The following TBC1D12 variants were observed in gnomAD, a reference collection of about 807,000 sequenced individuals.
The protein encoded by TBC1D12 is TBC1 domain family member 12, also known as TBC1 domain family, member 12.
In TBC1D12, 56 loss-of-function variants were observed where a neutral mutation model predicts 86.7. The observed-to-expected ratio is 0.65, with a 90% CI of 0.52 to 0.81. The LOEUF is 0.81. TBC1D12 is among the 30% of genes least tolerant of loss of function. The pLI is 0.00. For missense variants in TBC1D12, 1,023 were observed against 1,038.8 expected, an observed-to-expected ratio of 0.98 and a Z score of 0.21; for synonymous variants, 421 against 411.7, an observed-to-expected ratio of 1.02 and a Z score of -0.27.
intron 1 of TBC1D12, among the ~76,000 whole-genome samples, chr10:94,414,322 A>G (rs1009870504): frequency 6.6e-6 from 1 of 152,224 alleles, no homozygotes; most frequent in Non-Finnish European, 1.5e-5. Flanking sequence ...ACGAGAAACT[A>G]TTAGAGAATG....
chr10:94,497,000 A>C, intron 4 of TBC1D12, 55 bp from the exon 5 acceptor site: 1 of 1,059,524 alleles, frequency 9.4e-7, no homozygotes, highest in Non-Finnish European at 1.3e-6. Flanking sequence ...AAATGGAGAA[A>C]AGGATTTTGA....
chr10:94,521,355 C>T (rs1842150236), intron 9 of TBC1D12, among the ~76,000 whole-genome samples: 2 of 152,088 alleles, frequency 1.3e-5, no homozygotes, highest in South Asian at 4.1e-4. Flanking sequence ...ACACATCCTA[C>T]CTTCTCTAAA....
intron 1 of TBC1D12, among the ~76,000 whole-genome samples, chr10:94,434,523 AAAAG>A (rs1402380709): frequency 2.6e-5 from 4 of 152,134 alleles, no homozygotes; most frequent in Admixed American, 1.3e-4. Context: ...AAAAAAAAGA[AAAAG>A]AAAATCTTTT....
At chr10:94,467,935 C>T (rs973947994) in intron 2 of TBC1D12, among the ~76,000 whole-genome samples, 1 of 152,210 alleles carries the variant, frequency 6.6e-6, no homozygotes, top group Admixed American at 6.5e-5. Flanking sequence ...AATGTCAATG[C>T]AGTGACAAAC....
chr10:94,402,886 C>G lies in TBC1D12; in HGVS notation c.273C>G (p.Pro91=). ...LEPGLCYCPL[P]AGQAGAPPPS... The stretch of plus-strand genomic sequence containing the variant: ...CGGGGCTCTGCTACTGTCCGCTCCC[C>G]GCTGGCCAGGCCGGCGCCCCGCCGC... Residue 91 remains proline, a synonymous_variant, in exon 1 of 13, where the codon CCC becomes CCG. Transcript: ENST00000225235. 1 of 1,495,220 alleles carries G rather than the reference C, an allele frequency of 6.7e-7. No individual in the cohort carries two copies. Among genetic ancestry groups the G allele is most frequent in the Non-Finnish European group, 8.9e-7 (1 of 1,128,628 alleles). 92.6% of individuals were successfully genotyped at this position (1,495,220 alleles called of 1,614,324 possible).
At chr10:94,465,130 T>G (rs766838985) in intron 2 of TBC1D12, among the ~76,000 whole-genome samples, 1 of 152,254 alleles carries the variant, frequency 6.6e-6, no homozygotes, top group African/African-American at 2.4e-5. Flanking sequence ...TGAAACCATA[T>G]AATTCTGTTA....
chr10:94,435,353 T>C (rs2055279309), intron 1 of TBC1D12, among the ~76,000 whole-genome samples: 1 of 152,240 alleles, frequency 6.6e-6, no homozygotes, highest in Admixed American at 6.5e-5. Flanking sequence ...CTTCCCCTTC[T>C]AAACTTGGTA....
At chr10:94,481,330 G>A (rs573567029) in intron 3 of TBC1D12, among the ~76,000 whole-genome samples, 1 of 151,444 alleles carries the variant, frequency 6.6e-6, no homozygotes, top group South Asian at 2.1e-4. Flanking sequence ...TCTTTTTCCA[G>A]TAGAAGGCTG....
chr10:94,465,194 A>T (rs988680282), intron 2 of TBC1D12, among the ~76,000 whole-genome samples: 7 of 151,070 alleles, frequency 4.6e-5, no homozygotes, highest in Admixed American at 4.6e-4. Context: ...GTATTTATGC[A>T]TGGTTTTATA....
intron 3 of TBC1D12, among the ~76,000 whole-genome samples, chr10:94,485,865 T>A (rs942734528): frequency 2.0e-5 from 3 of 152,110 alleles, no homozygotes; most frequent in African/African-American, 7.2e-5. Flanking sequence ...TCTAGGAATT[T>A]ATCCATTTTC....
At chr10:94,428,546 C>G (rs1011222822) in intron 1 of TBC1D12, among the ~76,000 whole-genome samples, 1 of 152,056 alleles carries the variant, frequency 6.6e-6, no homozygotes, top group East Asian at 1.9e-4. Context: ...CTTCATTCAG[C>G]CTCCCAAAGT....
intron 6 of TBC1D12, among the ~76,000 whole-genome samples, chr10:94,503,150 C>T (rs2056420317): frequency 6.6e-6 from 1 of 152,116 alleles, no homozygotes; most frequent in Admixed American, 6.6e-5. Context: ...ACATTGTATT[C>T]CACAATTTGG....
intron 1 of TBC1D12, among the ~76,000 whole-genome samples, chr10:94,427,876 A>G (rs1024492650): frequency 6.6e-6 from 1 of 150,960 alleles, no homozygotes; most frequent in Non-Finnish European, 1.5e-5. Context: ...AAGAAAGAAG[A>G]CCTCTATCAG....
At chr10:94,459,796 G>A (rs1338015526) in intron 2 of TBC1D12, among the ~76,000 whole-genome samples, 1 of 152,214 alleles carries the variant, frequency 6.6e-6, no homozygotes, top group African/African-American at 2.4e-5. Flanking sequence ...CTCCAAGTGT[G>A]GGGCTTGCCG....
At chr10:94,427,800 C>G (rs1246069241) in intron 1 of TBC1D12, among the ~76,000 whole-genome samples, 5 of 135,030 alleles carry the variant, frequency 3.7e-5, no homozygotes, top group Non-Finnish European at 7.6e-5. Flanking sequence ...CCATTGCACT[C>G]CAGCCTGGGT....
At chr10:94,510,055 G>A (rs1212885886) in intron 7 of TBC1D12, 36 bp from the exon 8 acceptor site, 2 of 1,509,376 alleles carry the variant, frequency 1.3e-6, no homozygotes, top group Admixed American at 3.6e-5. Flanking sequence ...TTAGAGCCAA[G>A]TGATCATTTA....
At chr10:94,496,956 C>G in intron 4 of TBC1D12, 99 bp from the exon 5 acceptor site, 1 of 569,626 alleles carries the variant, frequency 1.8e-6, no homozygotes. Context: ...TGATAATATT[C>G]TTTTTGAGAA....
chr10:94,419,931 G>A (rs1182633057), intron 1 of TBC1D12, among the ~76,000 whole-genome samples: 3 of 152,176 alleles, frequency 2.0e-5, no homozygotes, highest in South Asian at 2.1e-4. Context: ...TTAATCTGTT[G>A]ATGAATGCTG....
chr10:94,461,435 T>C (rs571549336), intron 2 of TBC1D12, among the ~76,000 whole-genome samples: 33 of 152,266 alleles, frequency 2.2e-4, no homozygotes, highest in Non-Finnish European at 4.6e-4. Context: ...GCAGACCTTG[T>C]TAAGAACAGA....
Sources: gnomAD v4.1 joint callset for allele counts (sites outside exome capture counted in the v4.1 genomes callset) on GRCh38, gnomAD v4.1.1 for gene constraint, MANE v1.5 for transcripts, NCBI Gene and HGNC (gene_info 2026-07-23, HGNC 2026-07-21) for gene names.